DCDC1: variants seen among roughly 807,000 people sequenced by gnomAD.
The protein encoded by DCDC1 is doublecortin domain-containing protein 1.
DCDC1 carries 200 observed loss-of-function variants against 178.3 expected under a neutral mutation model. That is an observed-to-expected ratio of 1.12 (90% CI 1.00 to 1.26). The LOEUF is 1.26. DCDC1 is among the 50% of genes most tolerant of loss of function. The probability of loss-of-function intolerance (pLI) is 0.00; values close to 1 mark genes in which losing one functional copy is unlikely to be tolerated. For missense variants in DCDC1, 1,983 were observed against 1,749.2 expected, an observed-to-expected ratio of 1.13 and a Z score of -2.38; for synonymous variants, 690 against 604.8, an observed-to-expected ratio of 1.14 and a Z score of -2.07.
At chr11:31,090,736 C>T (rs1229743877) in intron 17 of DCDC1, among the ~76,000 whole-genome samples, 2 of 152,072 alleles carry the variant, frequency 1.3e-5, no homozygotes, top group East Asian at 3.9e-4. Context: ...ATCCTAAGTG[C>T]CTATATAGCC....
intron 20 of DCDC1, among the ~76,000 whole-genome samples, chr11:31,004,529 A>AT (rs569016259): frequency 1.3e-5 from 2 of 150,880 alleles, no homozygotes; most frequent in Non-Finnish European, 1.5e-5. Context: ...AAAAAAAAAA[A>AT]AAAATTAGCT....
chr11:31,220,904 A>G (rs1385139716), intron 9 of DCDC1, among the ~76,000 whole-genome samples: 1 of 152,166 alleles, frequency 6.6e-6, no homozygotes, highest in Non-Finnish European at 1.5e-5. Context: ...GTGTCCTCAC[A>G]TGGTATAAAG....
chr11:31,182,781 C>T (rs1036510363), intron 9 of DCDC1, among the ~76,000 whole-genome samples: 1 of 151,976 alleles, frequency 6.6e-6, no homozygotes, highest in African/African-American at 2.4e-5. Context: ...GGGCTAAATG[C>T]CACAAATAAA....
chr11:30,926,431 G>A (rs537135657), intron 22 of DCDC1, among the ~76,000 whole-genome samples: 5 of 152,280 alleles, frequency 3.3e-5, no homozygotes, highest in South Asian at 4.1e-4. Context: ...CTGCTTTTCC[G>A]AAAGTTAACT....
In DCDC1 at chr11:31,135,075, G is replaced by A. The variant is rs1055239573; in HGVS notation, c.1314+2617C>T. On this transcript the variant is annotated intron_variant, in intron 10 of 38. Coordinates refer to ENST00000684477, the MANE Select transcript of DCDC1 (RefSeq NM_001387274.1). ...CTCAAAGTGGTTTTACGATGCATAC[G>A]TTACTGTTACTCCCAAATTTCATGT... Among the ~76,000 whole-genome samples, 10 of 152,066 alleles carry A rather than the reference G, an allele frequency of 6.6e-5. No homozygotes were observed. In the South Asian group the frequency reaches 8.3e-4, roughly 13 times the overall value.
At chr11:30,888,144 AAG>A (rs1392077899) in intron 36 of DCDC1, among the ~76,000 whole-genome samples, 3 of 142,016 alleles carry the variant, frequency 2.1e-5, no homozygotes, top group East Asian at 2.1e-4. Context: ...GAAAGAAAGA[AAG>A]AAAGAAAGAA....
At chr11:30,874,188 G>A (rs1941905535) in intron 38 of DCDC1, among the ~76,000 whole-genome samples, 1 of 152,152 alleles carries the variant, frequency 6.6e-6, no homozygotes, top group Non-Finnish European at 1.5e-5. Context: ...GTCCCTGGCA[G>A]GCCTAAAACT....
At chr11:31,277,597 T>A (rs1946088591) in intron 7 of DCDC1, among the ~76,000 whole-genome samples, 1 of 152,164 alleles carries the variant, frequency 6.6e-6, no homozygotes, top group Non-Finnish European at 1.5e-5. Flanking sequence ...GTCAGTCTTT[T>A]AAATATTAGT....
At chr11:31,321,694 T>G (rs1165951662) in intron 3 of DCDC1, among the ~76,000 whole-genome samples, 2 of 152,060 alleles carry the variant, frequency 1.3e-5, no homozygotes, top group East Asian at 3.9e-4. Context: ...CTGCATACCT[T>G]TTTACCAATT....
intron 20 of DCDC1, among the ~76,000 whole-genome samples, chr11:31,001,182 T>A (rs1474048155): frequency 6.6e-6 from 1 of 152,230 alleles, no homozygotes; most frequent in Non-Finnish European, 1.5e-5. Context: ...TATTGACTCA[T>A]GGATTCTTAT....
At chr11:30,982,867 T>A (rs1036990398) in intron 20 of DCDC1, among the ~76,000 whole-genome samples, 1 of 152,154 alleles carries the variant, frequency 6.6e-6, no homozygotes, top group Non-Finnish European at 1.5e-5. Context: ...ATCCACGGGT[T>A]CTCAAATAGG....
At chr11:31,220,739 A>AG (rs1974173075) in intron 9 of DCDC1, among the ~76,000 whole-genome samples, 1 of 152,224 alleles carries the variant, frequency 6.6e-6, no homozygotes, top group African/African-American at 2.4e-5. Flanking sequence ...AGTCAGCTTG[A>AG]GCTACCATAA....
At chr11:30,908,703 T>G (rs78985559) in intron 29 of DCDC1, among the ~76,000 whole-genome samples, 1,567 of 152,270 alleles carry the variant, frequency 0.01, 31 homozygotes, top group African/African-American at 0.036. Context: ...AGAATATGTA[T>G]GAAAATTTCA....
intron 6 of DCDC1, among the ~76,000 whole-genome samples, chr11:31,296,265 C>T (rs145515064): frequency 6.6e-6 from 1 of 152,276 alleles, no homozygotes; most frequent in Non-Finnish European, 1.5e-5. Flanking sequence ...GCCATTCAAA[C>T]TTTCTGTTCT....
intron 20 of DCDC1, among the ~76,000 whole-genome samples, chr11:31,007,063 G>A (rs558573157): frequency 6.6e-6 from 1 of 152,208 alleles, no homozygotes; most frequent in Non-Finnish European, 1.5e-5. Context: ...TTCCTCATGG[G>A]TAACTCAGTA....
intron 17 of DCDC1, among the ~76,000 whole-genome samples, chr11:31,080,743 A>C (rs1357118708): frequency 6.6e-6 from 1 of 152,198 alleles, no homozygotes; most frequent in East Asian, 1.9e-4. Context: ...GTTGCGATAA[A>C]ATTTAGATCA....
At chr11:31,093,412 C>T (rs1345861334) in intron 16 of DCDC1, among the ~76,000 whole-genome samples, 1 of 152,032 alleles carries the variant, frequency 6.6e-6, no homozygotes, top group East Asian at 1.9e-4. Flanking sequence ...AAGGGAGATA[C>T]AGGAAAGATA....
Position 31,112,929 on chromosome 11 carries a change from C to T in DCDC1, c.1486-2568G>A, listed in dbSNP as rs138882931. Among the ~76,000 whole-genome samples, 331 of 152,224 alleles carry T rather than the reference C, an allele frequency of 2.2e-3. 2 individuals carry two copies. The highest frequency in any genetic ancestry group is 7.2e-3 in the African/African-American group (301 of 41,538). On this transcript the variant is annotated intron_variant, in intron 11 of 38. Coordinates refer to ENST00000684477, the MANE Select transcript of DCDC1 (RefSeq NM_001387274.1). Reference sequence around the variant, plus strand: ...ATCAGTGAACTAAGATTCCTGCTCTCAATGTGTTTACCCTGTGCTGGACTA... The same window carrying T: ...ATCAGTGAACTAAGATTCCTGCTCTTAATGTGTTTACCCTGTGCTGGACTA...
chr11:30,921,114 G>C (rs940944291), intron 24 of DCDC1, among the ~76,000 whole-genome samples, 179 bp from the exon 25 acceptor site: 1 of 152,106 alleles, frequency 6.6e-6, no homozygotes, highest in African/African-American at 2.4e-5. Flanking sequence ...TTACTCTCAA[G>C]ATATTCTTAG....
Sources: gnomAD v4.1 joint callset for allele counts (sites outside exome capture counted in the v4.1 genomes callset) on GRCh38, gnomAD v4.1.1 for gene constraint, MANE v1.5 for transcripts, NCBI Gene and HGNC (gene_info 2026-07-23, HGNC 2026-07-21) for gene names.